CFAP57: variants seen among roughly 807,000 people sequenced by gnomAD.
CFAP57 encodes the protein cilia- and flagella-associated protein 57.
Under a neutral mutation model 146.8 loss-of-function variants are expected in CFAP57, and 116 were observed. The ratio of observed to expected loss-of-function variants is 0.79; its 90% confidence interval spans 0.68 to 0.92. The LOEUF (loss-of-function observed/expected upper bound fraction) is 0.92. Among genes scored for constraint, CFAP57 ranks in the 40% least tolerant of loss-of-function variants. CFAP57 has a pLI of 0.00. For missense variants in CFAP57, 1,377 were observed against 1,527.2 expected (o/e 0.90, Z 1.64); for synonymous variants, 518 against 552.8 (o/e 0.94, Z 0.88).
At chr1:43,236,254 G>T (rs544081829) in intron 21 of CFAP57, among the ~76,000 whole-genome samples, 4 of 152,084 alleles carry the variant, frequency 2.6e-5, no homozygotes, top group African/African-American at 9.7e-5. Flanking sequence ...GGCCCAGGGT[G>T]GGGGGTGTGT....
At chr1:43,185,989 G>T (rs1293411653) in intron 5 of CFAP57, among the ~76,000 whole-genome samples, 1 of 151,724 alleles carries the variant, frequency 6.6e-6, no homozygotes, top group East Asian at 1.9e-4. Context: ...ATCCCAGCTA[G>T]AATTGCTTGA....
Position 43,199,389 on chromosome 1 carries a change from GTGTTCC to G in CFAP57, c.1430_1435del (p.Cys477_Ser478del). The stretch of plus-strand genomic sequence containing the variant: ...TGCTCTCTTGCTGTCTTTCCCTATA[GTGTTCC>G]TTTAGCAATGGAGGTCACCTGTTTG... On this transcript the variant is annotated inframe_deletion and splice_region_variant, in exon 9 of 23. Transcript: ENST00000372492. 1 of 1,613,968 alleles carries G rather than the reference GTGTTCC, an allele frequency of 6.2e-7. No homozygotes were observed. The highest frequency in any genetic ancestry group is 1.1e-5 in the South Asian group (1 of 91,076).
chr1:43,210,107 A>G (rs199904837), intron 11 of CFAP57, 191 bp downstream of exon 11: 2 of 1,612,664 alleles, frequency 1.2e-6, no homozygotes, highest in South Asian at 2.2e-5. Flanking sequence ...AATTTAGCCT[A>G]GGAAATCATC....
chr1:43,227,032 T>C lies in CFAP57; in HGVS notation c.2915T>C (p.Phe972Ser). Residue 972 changes from phenylalanine to serine, a missense_variant, in exon 18 of 23, where the codon TTC becomes TCC. By Grantham distance (155) the Phe-to-Ser change is radical. Coordinates refer to ENST00000372492, the MANE Select transcript of CFAP57 (RefSeq NM_001378189.1). ...LKKKNQELGKFKFVLDYKIKE... is the reference protein window; with the variant it reads ...LKKKNQELGKSKFVLDYKIKE... ...AAGAAAAATCAAGAACTAGGGAAATTCAAGTTTGTGCTTGACTACAAAATA... is the reference window on the plus strand; with the variant it reads ...AAGAAAAATCAAGAACTAGGGAAATCCAAGTTTGTGCTTGACTACAAAATA... 6.5e-7 allele frequency: 1 copy of C among 1,536,288 alleles called. No individual in the cohort carries two copies.
In CFAP57 at chr1:43,222,851, C is replaced by A; in HGVS notation, c.2560C>A (p.Arg854=). The A allele has an allele frequency of 6.5e-7, 1 of 1,547,430 alleles. No homozygotes were observed. The highest frequency in any genetic ancestry group is 8.7e-7 in the Non-Finnish European group (1 of 1,145,430). ...ACAGGAAGACGTCAGGCAGCAGCTG[C>A]GGGAGTTTGAAGAGACCAAGAAGCA... is the stretch of plus-strand genomic sequence containing the variant. ...EAQEDVRQQL[R]EFEETKKQIE... is the part of the protein sequence containing the mutation. Residue 854 remains arginine, a synonymous_variant, in exon 16 of 23, where the codon CGG becomes AGG. Transcript: ENST00000372492.
At chr1:43,210,860 TAAA>T (rs1017113023) in intron 11 of CFAP57, 2 of 148,448 alleles carry the variant, frequency 1.3e-5, no homozygotes, top group African/African-American at 2.5e-5. Context: ...AAAAATGAAA[TAAA>T]AAAGAATTAT....
At chr1:43,175,017 C>G (rs1645115716) in intron 2 of CFAP57, among the ~76,000 whole-genome samples, 1 of 152,078 alleles carries the variant, frequency 6.6e-6, no homozygotes, top group African/African-American at 2.4e-5. Flanking sequence ...CAGTTTTTGT[C>G]TGAAAATGAC....
intron 17 of CFAP57, among the ~76,000 whole-genome samples, chr1:43,226,530 G>A (rs1645249335): frequency 6.6e-6 from 1 of 152,210 alleles, no homozygotes; most frequent in Non-Finnish European, 1.5e-5. Context: ...CCAGATAAAA[G>A]CTGCTTGGCC....
chr1:43,251,937 T>C (rs1296501093), intron 22 of CFAP57, among the ~76,000 whole-genome samples: 1 of 152,226 alleles, frequency 6.6e-6, no homozygotes, highest in Non-Finnish European at 1.5e-5. Context: ...GCTAAACTAA[T>C]TGAAATTGTT....
At chr1:43,241,785 T>A (rs1442906239) in intron 21 of CFAP57, among the ~76,000 whole-genome samples, 1 of 151,998 alleles carries the variant, frequency 6.6e-6, no homozygotes, top group Non-Finnish European at 1.5e-5. Context: ...AACAAGGTGG[T>A]CAGGTGATGT....
At chr1:43,202,145 A>G (rs976291001) in intron 9 of CFAP57, among the ~76,000 whole-genome samples, 1 of 152,342 alleles carries the variant, frequency 6.6e-6, no homozygotes, top group African/African-American at 2.4e-5. Context: ...ACAAATACAG[A>G]TACAGGATGC....
At chr1:43,215,215 G>T in intron 11 of CFAP57, 40 bp from the exon 12 acceptor site, 2 of 1,550,394 alleles carry the variant, frequency 1.3e-6, no homozygotes, top group Non-Finnish European at 1.7e-6. Context: ...GTCATCTGTG[G>T]CCTTGAAAGC....
intron 7 of CFAP57, 24 bp from the exon 8 acceptor site, chr1:43,198,457 T>A: frequency 6.2e-7 from 1 of 1,613,016 alleles, no homozygotes; most frequent in Non-Finnish European, 8.5e-7. Flanking sequence ...AAGCTTACAA[T>A]TCAGTAATTG....
At chr1:43,191,982 T>G (rs986668086) in intron 6 of CFAP57, among the ~76,000 whole-genome samples, 1 of 152,166 alleles carries the variant, frequency 6.6e-6, no homozygotes, top group Non-Finnish European at 1.5e-5. Context: ...CTCTTTTGAT[T>G]TCTTTTTGAC....
chr1:43,231,620 G>A (rs1315093767), intron 18 of CFAP57, among the ~76,000 whole-genome samples: 1 of 151,562 alleles, frequency 6.6e-6, no homozygotes, highest in Non-Finnish European at 1.5e-5. Context: ...TTGGGAAGGC[G>A]AGGTGGGCAG....
chr1:43,208,662 G>A (rs985598107), intron 10 of CFAP57, among the ~76,000 whole-genome samples: 6 of 152,218 alleles, frequency 3.9e-5, no homozygotes, highest in African/African-American at 1.4e-4. Flanking sequence ...GGGGAACAGG[G>A]AGGGATAGCA....
intron 21 of CFAP57, 92 bp from the exon 22 acceptor site, chr1:43,243,135 C>G: frequency 7.1e-7 from 1 of 1,413,612 alleles, no homozygotes; most frequent in Non-Finnish European, 9.4e-7. Flanking sequence ...TAACCCTGCC[C>G]ATTCCCCATA....
chr1:43,204,396 CTTTT>C (rs1220859417), intron 9 of CFAP57, among the ~76,000 whole-genome samples: 4 of 144,908 alleles, frequency 2.8e-5, no homozygotes, highest in Admixed American at 1.4e-4. Flanking sequence ...TGGTTACACT[CTTTT>C]TGTTTGTTTG....
At chr1:43,246,189 T>C (rs185931306) in intron 22 of CFAP57, among the ~76,000 whole-genome samples, 53 of 152,284 alleles carry the variant, frequency 3.5e-4, no homozygotes, top group South Asian at 8.3e-4. Context: ...AAAATTCATA[T>C]GGAATATCAA....
Sources: gnomAD v4.1 joint callset for allele counts (sites outside exome capture counted in the v4.1 genomes callset) on GRCh38, gnomAD v4.1.1 for gene constraint, MANE v1.5 for transcripts, NCBI Gene and HGNC (gene_info 2026-07-23, HGNC 2026-07-21) for gene names.